Variants in DMD observed in about 807,000 individuals in gnomAD.
DMD encodes mutant dystrophin.
In DMD, 63 loss-of-function variants were observed where a neutral mutation model predicts 330.1. The observed-to-expected ratio is 0.19, with a 90% CI of 0.16 to 0.24. The LOEUF (loss-of-function observed/expected upper bound fraction) is 0.24, where lower values mean the gene tolerates loss of function less well. Among genes scored for constraint, DMD ranks in the 10% least tolerant of loss-of-function variants. DMD has a pLI of 1.00. For synonymous variants in DMD, 1,223 were observed against 959.8 expected (o/e 1.27, Z -5.07); for missense variants, 3,344 against 2,684.1 (o/e 1.25, Z -5.43).
intron 18 of DMD, among the ~76,000 whole-genome samples, chrX:32,514,767 G>A (rs1403764197): frequency 2.7e-5 from 3 of 112,452 alleles, no homozygotes; most frequent in Non-Finnish European, 3.8e-5. Context: ...AAGAAATGGA[G>A]TAATGCCTGA....
At chrX:31,301,020 C>A (rs1047581352) in intron 62 of DMD, among the ~76,000 whole-genome samples, 2 of 111,956 alleles carry the variant, frequency 1.8e-5, no homozygotes, top group African/African-American at 3.2e-5. Context: ...GCATTTGGAT[C>A]CCTGGAGCAG....
chrX:33,098,926 C>T (rs907606801), intron 1 of DMD, among the ~76,000 whole-genome samples: 2 of 111,588 alleles, frequency 1.8e-5, no homozygotes, highest in African/African-American at 6.5e-5. Flanking sequence ...GAGGAAGTAA[C>T]TTGTTTCCAC....
intron 16 of DMD, among the ~76,000 whole-genome samples, chrX:32,563,969 G>A (rs749980604): frequency 9.0e-6 from 1 of 111,544 alleles, no homozygotes; most frequent in South Asian, 3.8e-4. Flanking sequence ...CAGGTATTAA[G>A]CCCAGTATCC....
At chrX:31,308,021 C>T (rs1179251228) in intron 62 of DMD, among the ~76,000 whole-genome samples, 1 of 111,283 alleles carries the variant, frequency 9.0e-6, no homozygotes, top group Admixed American at 9.6e-5. Context: ...ACCTAGATCC[C>T]TCGCATACAT....
chrX:32,621,263 G>A (rs6653586), intron 11 of DMD, among the ~76,000 whole-genome samples: 5,032 of 111,070 alleles, frequency 0.045, 139 homozygotes, highest in African/African-American at 0.1. Flanking sequence ...CATCACAGAG[G>A]AACCGGAAAT....
intron 17 of DMD, among the ~76,000 whole-genome samples, chrX:32,532,545 G>C (rs768860615): frequency 2.7e-5 from 3 of 112,510 alleles, no homozygotes; most frequent in African/African-American, 9.7e-5. Context: ...ATGACACATT[G>C]TTATCATTGG....
At chrX:31,603,516 C>A (rs542102977) in intron 55 of DMD, among the ~76,000 whole-genome samples, 1 of 111,435 alleles carries the variant, frequency 9.0e-6, no homozygotes, top group African/African-American at 3.3e-5. Flanking sequence ...TCAAGTTGAA[C>A]CCACTAGGTC....
chrX:31,471,361 C>T (rs1389667783), intron 59 of DMD, among the ~76,000 whole-genome samples: 1 of 111,823 alleles, frequency 8.9e-6, no homozygotes, highest in East Asian at 2.8e-4. Context: ...ATGCTCCGTT[C>T]CTCAGGGCAC....
intron 45 of DMD, among the ~76,000 whole-genome samples, chrX:31,946,261 G>T (rs1180496626): frequency 9.0e-6 from 1 of 111,493 alleles, no homozygotes; most frequent in African/African-American, 3.3e-5. Flanking sequence ...GATGGTACAA[G>T]ACAAAGGAAT....
chrX:32,118,151 G>C (rs959356387), intron 44 of DMD, among the ~76,000 whole-genome samples: 1 of 111,412 alleles, frequency 9.0e-6, no homozygotes, highest in Non-Finnish European at 1.9e-5. Context: ...TATTTTATTG[G>C]CCTGTGAGGT....
At chrX:31,906,103 T>C (rs2094475371) in intron 47 of DMD, among the ~76,000 whole-genome samples, 1 of 111,321 alleles carries the variant, frequency 9.0e-6, no homozygotes, top group Non-Finnish European at 1.9e-5. Context: ...CATGCTGTTC[T>C]TGTGACAGTG....
At chrX:31,887,868 G>A (rs1191395841) in intron 47 of DMD, among the ~76,000 whole-genome samples, 1 of 112,095 alleles carries the variant, frequency 8.9e-6, no homozygotes, top group Non-Finnish European at 1.9e-5. Flanking sequence ...ACATGATATA[G>A]CATTTGTTAA....
intron 44 of DMD, among the ~76,000 whole-genome samples, chrX:32,053,938 T>C (rs1245289835): frequency 9.0e-6 from 1 of 110,708 alleles, no homozygotes; most frequent in Non-Finnish European, 1.9e-5. Context: ...AAAAAAAGAC[T>C]ATATACCTAA....
intron 2 of DMD, among the ~76,000 whole-genome samples, chrX:32,947,447 A>C (rs1401228149): frequency 3.6e-5 from 4 of 111,918 alleles, no homozygotes; most frequent in Non-Finnish European, 7.5e-5. Context: ...GACAATTCTA[A>C]TTGCATTTAC....
intron 7 of DMD, among the ~76,000 whole-genome samples, chrX:32,746,681 A>G (rs1220793553): frequency 8.9e-6 from 1 of 112,275 alleles, no homozygotes; most frequent in Non-Finnish European, 1.9e-5. Context: ...ATTACCTCAA[A>G]TATTTGTCAT....
At chrX:33,294,386 C>A (rs184586234) in intron 1 of DMD, among the ~76,000 whole-genome samples, 6 of 110,833 alleles carry the variant, frequency 5.4e-5, no homozygotes, top group African/African-American at 2.0e-4. Flanking sequence ...TTATATTTCG[C>A]CATAGTTTTT....
intron 1 of DMD, among the ~76,000 whole-genome samples, chrX:33,116,828 T>A (rs1222426048): frequency 9.0e-6 from 1 of 110,942 alleles, no homozygotes; most frequent in Non-Finnish European, 1.9e-5. Flanking sequence ...ATAAATGAGC[T>A]GGCCTGTATA....
intron 1 of DMD, among the ~76,000 whole-genome samples, chrX:33,108,866 CGG>C (rs2095315027): frequency 4.0e-4 from 2 of 4,959 alleles, no homozygotes; most frequent in Non-Finnish European, 4.8e-4. Context: ...AACTCCGTTT[CGG>C]AAAAAAAAAA....
At chrX:32,517,966 G>C in intron 18 of DMD, 42 bp downstream of exon 18, 8 of 1,193,248 alleles carry the variant, frequency 6.7e-6, no homozygotes, top group Admixed American at 2.2e-5. Flanking sequence ...TTTACAAGCA[G>C]CACAAAATGA....
Sources: allele counts gnomAD v4.1 joint callset (sites outside exome capture counted in the v4.1 genomes callset), GRCh38; gene constraint gnomAD v4.1.1; transcripts MANE v1.5; gene names NCBI Gene and HGNC (gene_info 2026-07-23, HGNC 2026-07-21).